Variants in FSD1 observed in about 807,000 individuals in gnomAD.
The protein encoded by FSD1 is fibronectin type III and SPRY domain-containing protein 1.
In FSD1, 23 loss-of-function variants were observed where a neutral mutation model predicts 58.2. The ratio of observed to expected loss-of-function variants is 0.40; its 90% confidence interval spans 0.28 to 0.56. FSD1 has a LOEUF of 0.56. FSD1 is among the 20% of genes least tolerant of loss of function. The pLI is 0.54. For synonymous variants in FSD1, 265 were observed against 263.4 expected, an observed-to-expected ratio of 1.01 and a Z score of -0.06; for missense variants, 563 against 670.8, an observed-to-expected ratio of 0.84 and a Z score of 1.78.
chr19:4,311,280 C>T (rs1467604739), intron 6 of FSD1: 1 of 158,080 alleles, frequency 6.3e-6, no homozygotes, highest in Non-Finnish European at 1.4e-5. Context: ...ATGATGCAGC[C>T]CCAAAGAAAG....
At chr19:4,321,727 G>A (rs1321293413) in intron 10 of FSD1, among the ~76,000 whole-genome samples, 1 of 151,310 alleles carries the variant, frequency 6.6e-6, no homozygotes, top group African/African-American at 2.4e-5. Context: ...AGTCCAAGGA[G>A]TATCTGGGGG....
At position 4,318,917 on chromosome 19, in the gene FSD1, G is replaced by A. The variant is rs1299416985; in HGVS notation, c.1005G>A (p.Arg335=). 1.2e-6 allele frequency: 2 copies of A among 1,613,442 alleles called. No individual in the cohort carries two copies. Among genetic ancestry groups the A allele is most frequent in the African/African-American group, 1.3e-5 (1 of 74,794 alleles). Residue 335 remains arginine (R), a synonymous_variant, in exon 10 of 13, where the codon CGG becomes CGA. Transcript: ENST00000221856. ...GGATGCCCTCAGGTCGTGGGGGACGGGACCGCTTCACCGCTGAGTCCTACA... is the reference window on the plus strand; with the variant it reads ...GGATGCCCTCAGGTCGTGGGGGACGAGACCGCTTCACCGCTGAGTCCTACA... ...PKRMPSGRGG[R]DRFTAESYTV... is the part of the protein sequence containing the mutation.
At chr19:4,322,629 G>T (rs1166422286) in intron 10 of FSD1, among the ~76,000 whole-genome samples, 4 of 150,168 alleles carry the variant, frequency 2.7e-5, no homozygotes, top group Non-Finnish European at 5.9e-5. Context: ...GGAGGGAATA[G>T]CTGGGGCCCA....
At chr19:4,314,173 A>T (rs931852958) in intron 7 of FSD1, among the ~76,000 whole-genome samples, 31 of 152,312 alleles carry the variant, frequency 2.0e-4, no homozygotes, top group African/African-American at 7.0e-4. Context: ...ATTAGCATAC[A>T]TGGTTAATCA....
rs145547298 is a variant in FSD1, at chr19:4,323,032, C to T, written c.1086C>T (p.Tyr362=). 9 of 1,611,826 alleles carry T rather than the reference C, an allele frequency of 5.6e-6. No individual in the cohort carries two copies. Among genetic ancestry groups the T allele is most frequent in the African/African-American group, 1.3e-5 (1 of 74,818 alleles). The change falls in exon 11 of 13, where the codon TAC becomes TAT. Residue 362 remains tyrosine (Y), a synonymous_variant. Transcript: ENST00000221856. This position sits in a 1 kb window ranked among gnomAD's most constrained non-coding sequence, Gnocchi z 7.7. ...DGGEHYWEVR[Y]EPDSKAFGVG... ...GGGAGCATTACTGGGAGGTGCGCTA[C>T]GAGCCGGACAGCAAGGCGTTCGGCG...
intron 7 of FSD1, among the ~76,000 whole-genome samples, chr19:4,314,511 G>A (rs749338070): frequency 1.3e-5 from 2 of 149,816 alleles, no homozygotes; most frequent in East Asian, 3.9e-4. Context: ...TTTTGAGATG[G>A]AGTCTCGCTT....
intron 6 of FSD1, chr19:4,311,409 C>T (rs918824464): frequency 1.8e-4 from 32 of 181,450 alleles, no homozygotes; most frequent in African/African-American, 7.4e-4. Flanking sequence ...TGGCCGGGCG[C>T]GGTGACTCAC....
chr19:4,316,938 G>C (rs1189249465), intron 7 of FSD1, among the ~76,000 whole-genome samples: 2 of 151,966 alleles, frequency 1.3e-5, no homozygotes, highest in Admixed American at 1.3e-4. Context: ...TTTTAGTAGA[G>C]ACGGGGGTTT....
chr19:4,318,866 C>T lies in FSD1; in HGVS notation c.960-6C>T, dbSNP rs753060709. 2 of 1,612,982 alleles carry T rather than the reference C, an allele frequency of 1.2e-6. No individual in the cohort carries two copies. Among genetic ancestry groups the T allele is most frequent in the Admixed American group, 1.7e-5 (1 of 60,002 alleles). On this transcript the variant is annotated splice_polypyrimidine_tract_variant and splice_region_variant and intron_variant, in intron 9 of 12. Coordinates refer to ENST00000221856, the MANE Select transcript of FSD1 (RefSeq NM_024333.3). ...CCTGAGCCTGCCCACTCCCTGCCCACCACAGAGGTACTCCATCTCCCAAGA... is the reference window on the plus strand; with the variant it reads ...CCTGAGCCTGCCCACTCCCTGCCCATCACAGAGGTACTCCATCTCCCAAGA...
Position 4,306,057 on chromosome 19 carries a change from C to A in FSD1, c.111+16C>A. The A allele has an allele frequency of 6.2e-7, 1 of 1,609,992 alleles. No homozygotes were observed. The highest frequency in any genetic ancestry group is 1.3e-5 in the African/African-American group (1 of 74,946). ...GAACGTGGAGGTGAAGGCGGTGGGG[C>A]AGTCCTGGGGAGGTAAGGGGAGGGG... On this transcript the variant is annotated intron_variant, in intron 2 of 12. Coordinates refer to ENST00000221856, the MANE Select transcript of FSD1 (RefSeq NM_024333.3).
chr19:4,309,673 G>A (rs1786394320), intron 4 of FSD1, among the ~76,000 whole-genome samples: 3 of 152,130 alleles, frequency 2.0e-5, no homozygotes, highest in African/African-American at 7.2e-5. Flanking sequence ...ACTTTGGGAG[G>A]CTGAGGCGGG....
rs1305229916 is a variant in FSD1 at position 4,311,899 on chromosome 19, C to A, written c.548C>A (p.Thr183Asn). 2 of 1,614,062 alleles carry A rather than the reference C, an allele frequency of 1.2e-6. No individual in the cohort carries two copies. The highest frequency in any genetic ancestry group is 1.3e-5 in the African/African-American group (1 of 74,934). ...AESLVADNCV[T>N]LVWRMPDEDS... ...TCCCTGGTGGCAGATAACTGTGTGACCCTGGTGTGGCGCATGCCGGATGAG... is the reference window on the plus strand; with the variant it reads ...TCCCTGGTGGCAGATAACTGTGTGAACCTGGTGTGGCGCATGCCGGATGAG... The change falls in exon 7 of 13, where the codon ACC becomes AAC. Residue 183 changes from threonine (T) to asparagine (N), a missense_variant. Coordinates refer to ENST00000221856, the MANE Select transcript of FSD1 (RefSeq NM_024333.3).
chr19:4,321,432 T>G (rs113469794), intron 10 of FSD1, among the ~76,000 whole-genome samples: 284 of 71,010 alleles, frequency 4.0e-3, no homozygotes, highest in Middle Eastern at 0.016. Flanking sequence ...GGAGTATCTG[T>G]GGAAATAGCT....
At chr19:4,310,187 T>C (rs1165138659) in intron 4 of FSD1, 86 bp from the exon 5 acceptor site, 1 of 1,490,354 alleles carries the variant, frequency 6.7e-7, no homozygotes, top group African/African-American at 1.4e-5. Context: ...ATCTCTCCAC[T>C]GCAATCCAGC....
chr19:4,314,818 T>C (rs1971735895), intron 7 of FSD1, among the ~76,000 whole-genome samples: 1 of 152,146 alleles, frequency 6.6e-6, no homozygotes, highest in Admixed American at 6.6e-5. Flanking sequence ...CTCATTCGGG[T>C]GTTCCACACA....
At position 4,317,794 on chromosome 19, in the gene FSD1, G is replaced by A. The variant is rs564489176; in HGVS notation, c.799+514G>A. The stretch of plus-strand genomic sequence containing the variant: ...AACACTCTGGGAGGCTGAGGCGGGC[G>A]GATCACGAGGTCAGGAGTTCGAAAC... On this transcript the variant is annotated intron_variant, in intron 8 of 12. Transcript: ENST00000221856. 1.6e-4 allele frequency among the ~76,000 whole-genome samples: 25 copies of A among 152,324 alleles called. No individual in the cohort carries two copies. In the East Asian group the frequency reaches 3.3e-3, roughly 20 times the overall value.
At chr19:4,317,544 A>G (rs1244900486) in intron 8 of FSD1, among the ~76,000 whole-genome samples, 1 of 152,204 alleles carries the variant, frequency 6.6e-6, no homozygotes, top group African/African-American at 2.4e-5. Flanking sequence ...TAAGTCCTCT[A>G]TAGAGCTGGG....
rs904712003 is a variant in FSD1 at position 4,305,839 on chromosome 19, C to T, written c.16-107C>T. The T allele has an allele frequency of 1.9e-5, 15 of 798,130 alleles. 1 individual carries two copies. Among genetic ancestry groups the T allele is most frequent in the African/African-American group, 3.3e-5 (2 of 59,864 alleles). The allele number at this position is 798,130 out of a possible 1,614,324, so 49.4% of individuals were successfully genotyped here. A position where few individuals can be genotyped will look rare whatever the true frequency, so the allele number is the denominator to read the frequency against. On this transcript the variant is annotated intron_variant, in intron 1 of 12. Coordinates refer to ENST00000221856, the MANE Select transcript of FSD1 (RefSeq NM_024333.3). ...GTGCGCACGCGTGTGCATTTATGTACGTGTGTGCATGTGTGTGCACGTGTG... is the reference window on the plus strand; with the variant it reads ...GTGCGCACGCGTGTGCATTTATGTATGTGTGTGCATGTGTGTGCACGTGTG...
Position 4,318,359 on chromosome 19 carries a change from C to T in FSD1, c.813C>T (p.Arg271=). The part of the protein sequence containing the change: ...VTLETPAFMF[R]LDASTSHQNL... ...GCCCGGCCCCAGCGTTCATGTTCCG[C>T]CTGGATGCGTCCACATCCCACCAGA... Residue 271 remains arginine, a synonymous_variant, in exon 9 of 13, where the codon CGC becomes CGT. Coordinates refer to ENST00000221856, the MANE Select transcript of FSD1 (RefSeq NM_024333.3). 2.5e-6 allele frequency: 4 copies of T among 1,613,908 alleles called. No homozygotes were observed. Among genetic ancestry groups the T allele is most frequent in the Non-Finnish European group, 3.4e-6 (4 of 1,179,998 alleles).
Sources: gnomAD v4.1 joint callset for allele counts (sites outside exome capture counted in the v4.1 genomes callset) on GRCh38, gnomAD v4.1.1 for gene constraint, Gnocchi (gnomAD v3.1) non-coding constraint, MANE v1.5 for transcripts, NCBI Gene and HGNC (gene_info 2026-07-23, HGNC 2026-07-21) for gene names.